MRPS28: variants seen among roughly 807,000 people sequenced by gnomAD.
MRPS28 encodes the protein small ribosomal subunit protein bS1m.
A neutral mutation model predicts 10.8 loss-of-function variants in MRPS28; 7 were observed. The ratio of observed to expected loss-of-function variants is 0.65; its 90% CI spans 0.37 to 1.22. The LOEUF is 1.22. MRPS28 is among the 50% of genes most tolerant of loss of function. The pLI, the probability that MRPS28 is intolerant of heterozygous loss-of-function variation, is 0.02. For synonymous variants in MRPS28, 121 were observed against 93.3 expected (o/e 1.30, Z -1.71); for missense variants, 265 against 232.9 (o/e 1.14, Z -0.90).
At chr8:79,943,439 C>T (rs1806822310) in intron 2 of MRPS28, among the ~76,000 whole-genome samples, 1 of 152,178 alleles carries the variant, frequency 6.6e-6, no homozygotes, top group Non-Finnish European at 1.5e-5. Flanking sequence ...GAAACAAAAC[C>T]TTACTCCTAT....
At chr8:79,968,704 T>C (rs1232838761) in intron 2 of MRPS28, among the ~76,000 whole-genome samples, 1 of 150,094 alleles carries the variant, frequency 6.7e-6, no homozygotes, top group East Asian at 1.9e-4. Context: ...TGGGACAGAG[T>C]GAGACTCTGT....
chr8:80,019,328 T>C (rs1016191398), intron 1 of MRPS28, among the ~76,000 whole-genome samples: 16 of 147,222 alleles, frequency 1.1e-4, no homozygotes, highest in African/African-American at 3.3e-4. Flanking sequence ...ACACCTACTA[T>C]GTACCCACAA....
rs1809992462 is a variant in MRPS28 at position 79,918,740 on chromosome 8, A to G, written c.*240T>C. The G allele has an allele frequency of 5.1e-6, 1 of 195,800 alleles. No homozygotes were observed. Among genetic ancestry groups the G allele is most frequent in the Admixed American group, 6.0e-5 (1 of 16,620 alleles). The allele number at this position is 195,800 out of a possible 1,614,324, so 12.1% of individuals were successfully genotyped here. On this transcript the variant is annotated 3_prime_UTR_variant, in exon 3 of 3. Coordinates refer to ENST00000276585, the MANE Select transcript of MRPS28 (RefSeq NM_014018.3). Reference sequence around the variant, plus strand: ...CATAGACAGCACTCAAAACGTATTTATTGAATGACAATTTCTTAGTACAGT... The same window carrying G: ...CATAGACAGCACTCAAAACGTATTTGTTGAATGACAATTTCTTAGTACAGT...
intron 2 of MRPS28, among the ~76,000 whole-genome samples, chr8:79,997,482 T>C (rs1808531234): frequency 6.6e-6 from 1 of 152,126 alleles, no homozygotes; most frequent in African/African-American, 2.4e-5. Flanking sequence ...AGAAAGACAA[T>C]TGGAAAGCAA....
rs1806385579 is a variant in MRPS28 at position 79,929,017 on chromosome 8, G to A, written c.396-9869C>T. Among the ~76,000 whole-genome samples, 2 of 152,152 alleles carry A rather than the reference G, an allele frequency of 1.3e-5. 1 individual carries two copies. The highest frequency in any genetic ancestry group is 4.1e-4 in the South Asian group (2 of 4,832). The stretch of plus-strand genomic sequence containing the variant: ...GCCGAGATTTTGCTACTGCACTCCA[G>A]CCTGAGTAACAAAGCGAGACTCCGT... On this transcript the variant is annotated intron_variant, in intron 2 of 2. Coordinates refer to ENST00000276585, the MANE Select transcript of MRPS28 (RefSeq NM_014018.3).
chr8:79,924,475 T>C (rs1563517499), intron 2 of MRPS28, among the ~76,000 whole-genome samples: 1 of 152,198 alleles, frequency 6.6e-6, no homozygotes, highest in Non-Finnish European at 1.5e-5. Context: ...TGTATTTTCT[T>C]CTTTAAATAA....
intron 2 of MRPS28, among the ~76,000 whole-genome samples, chr8:79,925,087 C>T (rs1273223379): frequency 6.6e-6 from 1 of 152,010 alleles, no homozygotes; most frequent in Non-Finnish European, 1.5e-5. Flanking sequence ...AGTTCTACTC[C>T]TCTCCAATAT....
intron 2 of MRPS28, among the ~76,000 whole-genome samples, chr8:79,969,154 C>T (rs956989314): frequency 3.3e-5 from 5 of 152,094 alleles, no homozygotes; most frequent in African/African-American, 9.7e-5. Context: ...AAGAGTTCCC[C>T]TTGTTAGTTG....
At chr8:79,930,395 C>T (rs1481963319) in intron 2 of MRPS28, among the ~76,000 whole-genome samples, 2 of 152,188 alleles carry the variant, frequency 1.3e-5, no homozygotes, top group Non-Finnish European at 2.9e-5. Context: ...TGTAACACTG[C>T]ACTACACTAA....
intron 1 of MRPS28, among the ~76,000 whole-genome samples, chr8:80,005,572 T>A (rs1031426394): frequency 6.6e-6 from 1 of 152,112 alleles, no homozygotes; most frequent in Non-Finnish European, 1.5e-5. Flanking sequence ...AGAAACTGCA[T>A]AAACTAATGA....
At chr8:79,939,952 C>A (rs1458494764) in intron 2 of MRPS28, among the ~76,000 whole-genome samples, 2 of 145,882 alleles carry the variant, frequency 1.4e-5, no homozygotes, top group African/African-American at 5.2e-5. Context: ...CCTGGACAAG[C>A]GACAGAGCAA....
intron 1 of MRPS28, among the ~76,000 whole-genome samples, chr8:80,014,498 TG>T (rs913715119): frequency 3.9e-5 from 6 of 152,192 alleles, no homozygotes; most frequent in Non-Finnish European, 7.3e-5. Flanking sequence ...AAAGGAAGGC[TG>T]GGAAGTCTGG....
rs150714382 is a variant in MRPS28 at position 79,971,505 on chromosome 8, T to G, written c.395+31494A>C. Among the ~76,000 whole-genome samples the G allele has an allele frequency of 5.9e-5, 9 of 152,210 alleles. No homozygotes were observed. The East Asian group carries it at 1.7e-3, about 29-fold the overall frequency. ...AGCTATCACTCCCTTAAATGTCCCC[T>G]ACCCCACCCACTGCCTCCCATCTTC... On this transcript the variant is annotated intron_variant, in intron 2 of 2. Transcript: ENST00000276585.
chr8:79,979,593 A>G (rs933877560), intron 2 of MRPS28, among the ~76,000 whole-genome samples: 1 of 152,116 alleles, frequency 6.6e-6, no homozygotes, highest in Non-Finnish European at 1.5e-5. Context: ...GCACAAACAC[A>G]GCTCACTCCA....
chr8:79,994,129 G>A (rs1808435797), intron 2 of MRPS28, among the ~76,000 whole-genome samples: 1 of 152,122 alleles, frequency 6.6e-6, no homozygotes, highest in Admixed American at 6.5e-5. Flanking sequence ...TATAAAACTG[G>A]ACTTGAAGAT....
intron 2 of MRPS28, among the ~76,000 whole-genome samples, chr8:79,978,119 A>T (rs1242015151): frequency 1.3e-5 from 2 of 152,170 alleles, no homozygotes; most frequent in African/African-American, 2.4e-5. Context: ...CCATCTATTT[A>T]TTAGAGACTG....
chr8:80,027,264 G>A (rs1296426708), intron 1 of MRPS28, among the ~76,000 whole-genome samples: 3 of 152,212 alleles, frequency 2.0e-5, no homozygotes, highest in Non-Finnish European at 4.4e-5. Flanking sequence ...CTGAGAGCAC[G>A]TTAAATGTAT....
At chr8:79,990,085 CAGG>C (rs1808315554) in intron 2 of MRPS28, among the ~76,000 whole-genome samples, 1 of 152,150 alleles carries the variant, frequency 6.6e-6, no homozygotes, top group Admixed American at 6.5e-5. Context: ...CGCTTGAGCC[CAGG>C]AGGTGGAGGT....
At chr8:79,955,012 AAT>A (rs142994633) in intron 2 of MRPS28, among the ~76,000 whole-genome samples, 3,541 of 152,222 alleles carry the variant, frequency 0.023, 80 homozygotes, top group South Asian at 0.1. Flanking sequence ...AAAAAAAAAG[AAT>A]ATTGGAAGCT....
Sources: gnomAD v4.1 joint callset for allele counts (sites outside exome capture counted in the v4.1 genomes callset) on GRCh38, gnomAD v4.1.1 for gene constraint, MANE v1.5 for transcripts, NCBI Gene and HGNC (gene_info 2026-07-23, HGNC 2026-07-21) for gene names.